The following METTL8 variants were observed in gnomAD, a reference collection of about 807,000 sequenced individuals.
METTL8 encodes the protein tRNA N(3)-cytidine methyltransferase METTL8, mitochondrial.
A neutral mutation model predicts 48.7 loss-of-function variants in METTL8; 32 were observed. That is an observed-to-expected ratio of 0.66 (90% CI 0.50 to 0.88). The LOEUF (loss-of-function observed/expected upper bound fraction) is 0.88, where lower values mean the gene tolerates loss of function less well. Among genes scored for constraint, METTL8 ranks in the 40% least tolerant of loss-of-function variants. The pLI is 0.00. For missense variants in METTL8, 464 were observed against 474.4 expected (o/e 0.98, Z 0.20); for synonymous variants, 136 against 157.1 (o/e 0.87, Z 1.01).
rs1245740958 is a variant in METTL8, at chr2:171,357,647, C to T, written c.235+2775G>A. 2.0e-5 allele frequency among the ~76,000 whole-genome samples: 3 copies of T among 151,940 alleles called. 1 individual carries two copies. The highest frequency in any genetic ancestry group is 4.1e-4 in the South Asian group (2 of 4,822). ...ATTCAATGGAATCCCAGTCAAAATACCTATGACATTCTTCACAGAAATAGA... is the reference window on the plus strand; with the variant it reads ...ATTCAATGGAATCCCAGTCAAAATATCTATGACATTCTTCACAGAAATAGA... On this transcript the variant is annotated intron_variant, in intron 3 of 9. Coordinates refer to ENST00000375258, the MANE Select transcript of METTL8 (RefSeq NM_001321154.2).
chr2:171,394,807 C>T (rs1017822756), intron 1 of METTL8, among the ~76,000 whole-genome samples: 12 of 152,184 alleles, frequency 7.9e-5, no homozygotes, highest in Admixed American at 6.5e-4. Flanking sequence ...AATTGTTTGA[C>T]TGATTACATA....
At position 171,316,061 on chromosome 2, in the gene METTL8, C is replaced by T. The variant is rs556919765; in HGVS notation, c.*8111G>A. On this transcript the variant is annotated 3_prime_UTR_variant, in exon 10 of 10. Transcript: ENST00000375258. ...AATTCTTTATTCTCGAGAGCTTCCT[C>T]GTGCACATGATCAGCTTTTGCACAT... is the stretch of plus-strand genomic sequence containing the variant. 2.6e-5 allele frequency among the ~76,000 whole-genome samples: 4 copies of T among 152,336 alleles called. No individual in the cohort carries two copies. Among genetic ancestry groups the T allele is most frequent in the East Asian group, 1.9e-4 (1 of 5,188 alleles).
chr2:171,391,385 C>A (rs371132051), intron 2 of METTL8, among the ~76,000 whole-genome samples: 3 of 152,328 alleles, frequency 2.0e-5, no homozygotes, highest in African/African-American at 7.2e-5. Flanking sequence ...ACCAAACCTA[C>A]AACATTTCTG....
At chr2:171,365,721 T>C (rs1573995365) in intron 2 of METTL8, among the ~76,000 whole-genome samples, 1 of 152,350 alleles carries the variant, frequency 6.6e-6, no homozygotes. Context: ...ATAGGACTTA[T>C]GATTTTGGCC....
chr2:171,368,396 G>A (rs988102870), intron 2 of METTL8, among the ~76,000 whole-genome samples: 14 of 152,102 alleles, frequency 9.2e-5, no homozygotes, highest in Admixed American at 7.2e-4. Context: ...GTGGCATATA[G>A]TTTCTCAAAA....
intron 2 of METTL8, among the ~76,000 whole-genome samples, chr2:171,380,705 C>T (rs1028494665): frequency 6.6e-6 from 1 of 152,122 alleles, no homozygotes; most frequent in African/African-American, 2.4e-5. Context: ...CATGAAGGGC[C>T]TCTTCAAGGA....
At position 171,425,951 on chromosome 2, in the gene METTL8, G is replaced by A. The variant is rs139665479; in HGVS notation, c.-13+7932C>T. 1.9e-3 allele frequency among the ~76,000 whole-genome samples: 286 copies of A among 152,216 alleles called. 4 individuals carry two copies. The highest frequency in any genetic ancestry group is 0.017 in the East Asian group (86 of 5,188). ...AGGCAGGCAGATCATGAAGTCAGGT[G>A]TTCGAGACCAGCCTAGCCAACATAG... On this transcript the variant is annotated intron_variant, in intron 1 of 9. Transcript: ENST00000375258.
chr2:171,360,466 T>C lies in METTL8; in HGVS notation c.191A>G (p.Lys64Arg), dbSNP rs563180068. 8.1e-6 allele frequency: 13 copies of C among 1,613,962 alleles called. No individual in the cohort carries two copies. Among genetic ancestry groups the C allele is most frequent in the African/African-American group, 8.0e-5 (6 of 75,044 alleles). ...SKEEEAAARK[K>R]VKENSAVRVL... is the part of the protein sequence containing the mutation. ...TCGCACAGCTGAGTTTTCTTTTACT[T>C]TTTTTCTGGCTGCTGCTTCTTCTTC... Residue 64 changes from lysine to arginine, a missense_variant, in exon 3 of 10, where the codon AAA becomes AGA. Lys to Arg is a conservative substitution (Grantham distance 26, BLOSUM62 2). Transcript: ENST00000375258.
chr2:171,394,083 T>C (rs1688832470), intron 1 of METTL8, among the ~76,000 whole-genome samples: 1 of 152,224 alleles, frequency 6.6e-6, no homozygotes, highest in Non-Finnish European at 1.5e-5. Flanking sequence ...ATGCTCCACC[T>C]ACCACCACCT....
At chr2:171,380,804 G>A (rs920470619) in intron 2 of METTL8, among the ~76,000 whole-genome samples, 9 of 152,134 alleles carry the variant, frequency 5.9e-5, no homozygotes, top group African/African-American at 7.2e-5. Context: ...ACTCAATATC[G>A]TGAAAATGCC....
At chr2:171,404,052 C>CATATATATATATATAT (rs60563600) in intron 1 of METTL8, among the ~76,000 whole-genome samples, 5 of 43,976 alleles carry the variant, frequency 1.1e-4, no homozygotes, top group Admixed American at 2.3e-4. Context: ...TATGCTTTCT[C>CATATATATATATATAT]ATATATATAT....
chr2:171,358,180 A>C (rs959139165), intron 3 of METTL8, among the ~76,000 whole-genome samples: 1 of 151,930 alleles, frequency 6.6e-6, no homozygotes, highest in Non-Finnish European at 1.5e-5. Flanking sequence ...ACAAAACGCT[A>C]TCTCTACTAA....
chr2:171,416,009 C>T (rs1359543605), intron 1 of METTL8, among the ~76,000 whole-genome samples: 6 of 152,214 alleles, frequency 3.9e-5, no homozygotes, highest in African/African-American at 1.2e-4. Flanking sequence ...ACCAACAGCC[C>T]ATGCTAGAAT....
At chr2:171,371,836 C>T (rs941797702) in intron 2 of METTL8, among the ~76,000 whole-genome samples, 6 of 143,862 alleles carry the variant, frequency 4.2e-5, no homozygotes, top group African/African-American at 1.0e-4. Context: ...GTTATTATTA[C>T]TATTATTATT....
At chr2:171,425,826 G>T (rs1212114205) in intron 1 of METTL8, among the ~76,000 whole-genome samples, 1 of 152,140 alleles carries the variant, frequency 6.6e-6, no homozygotes, top group African/African-American at 2.4e-5. Flanking sequence ...CAGGAGACAG[G>T]GATAAGAATG....
At chr2:171,344,057 C>T (rs1687037032) in intron 3 of METTL8, among the ~76,000 whole-genome samples, 1 of 152,114 alleles carries the variant, frequency 6.6e-6, no homozygotes, top group Non-Finnish European at 1.5e-5. Flanking sequence ...AACTATTTCC[C>T]ACTCAGGAAT....
chr2:171,425,809 C>T (rs181940494), intron 1 of METTL8, among the ~76,000 whole-genome samples: 12 of 152,278 alleles, frequency 7.9e-5, no homozygotes, highest in African/African-American at 1.9e-4. Flanking sequence ...CATTCTTTAA[C>T]GTGTGCCAGG....
chr2:171,360,365 G>A, intron 3 of METTL8, 57 bp downstream of exon 3: 1 of 1,432,158 alleles, frequency 7.0e-7, no homozygotes. Context: ...ATGACACGAG[G>A]AGGAGGAAAA....
intron 1 of METTL8, among the ~76,000 whole-genome samples, chr2:171,413,867 A>G (rs1574199299): frequency 6.6e-6 from 1 of 152,192 alleles, no homozygotes; most frequent in South Asian, 2.1e-4. Flanking sequence ...CATTCTGGCA[A>G]ACTGAGGGGG....
Sources: allele counts gnomAD v4.1 joint callset (sites outside exome capture counted in the v4.1 genomes callset), GRCh38; gene constraint gnomAD v4.1.1; transcripts MANE v1.5; gene names NCBI Gene and HGNC (gene_info 2026-07-23, HGNC 2026-07-21).